The following ACSL3 variants were observed in gnomAD, a reference collection of about 807,000 sequenced individuals.
ACSL3 encodes acyl-CoA synthetase long chain family member 3.
A neutral mutation model predicts 84.7 loss-of-function variants in ACSL3; 34 were observed. The observed-to-expected ratio is 0.40, with a 90% CI of 0.31 to 0.53. The LOEUF (loss-of-function observed/expected upper bound fraction) is 0.53. Among genes scored for constraint, ACSL3 ranks in the 20% least tolerant of loss-of-function variants. The pLI is 0.48. For missense variants in ACSL3, 680 were observed against 873.1 expected, an observed-to-expected ratio of 0.78 and a Z score of 2.79; for synonymous variants, 315 against 299.4, an observed-to-expected ratio of 1.05 and a Z score of -0.54.
At chr2:222,931,194 T>G (rs1185169820) in intron 14 of ACSL3, among the ~76,000 whole-genome samples, 1 of 152,134 alleles carries the variant, frequency 6.6e-6, no homozygotes, top group Non-Finnish European at 1.5e-5. Flanking sequence ...TCATATGGGT[T>G]GAAAAATACC....
intron 3 of ACSL3, among the ~76,000 whole-genome samples, chr2:222,904,128 G>A (rs1323175086): frequency 1.3e-5 from 2 of 152,064 alleles, no homozygotes; most frequent in Non-Finnish European, 2.9e-5. Context: ...AAAATTAGCC[G>A]GGCGTGATGG....
intron 1 of ACSL3, among the ~76,000 whole-genome samples, chr2:222,877,540 T>C (rs556290356): frequency 6.6e-6 from 1 of 152,240 alleles, no homozygotes; most frequent in East Asian, 1.9e-4. Flanking sequence ...CTAACCTCAG[T>C]GACGGCTACA....
chr2:222,894,372 T>G (rs1450023418), intron 2 of ACSL3, among the ~76,000 whole-genome samples: 1 of 152,232 alleles, frequency 6.6e-6, no homozygotes, highest in Non-Finnish European at 1.5e-5. Context: ...AATTAAAATA[T>G]AAGATGTAAA....
At chr2:222,924,372 G>T in intron 10 of ACSL3, 84 bp from the exon 11 acceptor site, 1 of 1,233,306 alleles carries the variant, frequency 8.1e-7, no homozygotes. Context: ...CCTTAATATT[G>T]CTAGAAATGT....
At chr2:222,929,941 T>C (rs1362598814) in intron 13 of ACSL3, among the ~76,000 whole-genome samples, 3 of 149,234 alleles carry the variant, frequency 2.0e-5, no homozygotes, top group Non-Finnish European at 4.5e-5. Flanking sequence ...TTTTTTTTTT[T>C]TTTGACACGG....
chr2:222,913,860 G>A (rs775342143), intron 4 of ACSL3, among the ~76,000 whole-genome samples: 17 of 152,244 alleles, frequency 1.1e-4, no homozygotes, highest in Middle Eastern at 3.4e-3. Flanking sequence ...GATAATAATA[G>A]TAACAGTTTT....
At chr2:222,904,558 T>C (rs1696243537) in intron 3 of ACSL3, 1 of 152,612 alleles carries the variant, frequency 6.6e-6, no homozygotes, top group South Asian at 2.1e-4. Flanking sequence ...GTTAAGGCTC[T>C]TGCTACAAAG....
rs1226777401 is a variant in ACSL3, at chr2:222,944,367, T to C, written c.*2713T>C. The C allele has an allele frequency of 1.3e-5, 2 of 152,140 alleles. No homozygotes were observed. Among genetic ancestry groups the C allele is most frequent in the African/African-American group, 4.8e-5 (2 of 41,432 alleles). 9.4% of individuals were successfully genotyped at this position (152,140 alleles called of 1,614,324 possible). A position where few individuals can be genotyped will look rare whatever the true frequency, so the allele number is the denominator to read the frequency against. ...ATCTCTGATGTGTGGGCTCTTTTTTTCCCATAAGAATTATGTACATCTGTG... is the reference window on the plus strand; with the variant it reads ...ATCTCTGATGTGTGGGCTCTTTTTTCCCCATAAGAATTATGTACATCTGTG... On this transcript the variant is annotated 3_prime_UTR_variant, in exon 17 of 17. Coordinates refer to ENST00000357430, the MANE Select transcript of ACSL3 (RefSeq NM_004457.5).
intron 2 of ACSL3, among the ~76,000 whole-genome samples, chr2:222,888,678 G>A (rs1479114559): frequency 6.6e-6 from 1 of 152,174 alleles, no homozygotes; most frequent in Non-Finnish European, 1.5e-5. Context: ...TGTAAGCAAT[G>A]TAGGAGCATC....
intron 1 of ACSL3, among the ~76,000 whole-genome samples, chr2:222,865,727 G>C (rs1695118302): frequency 1.3e-5 from 2 of 152,058 alleles, no homozygotes; most frequent in African/African-American, 2.4e-5. Context: ...TTTCCAAGAT[G>C]AACTGGAGTT....
At chr2:222,861,395 G>A (rs983059186) in intron 1 of ACSL3, 137 bp downstream of exon 1, 5 of 151,720 alleles carry the variant, frequency 3.3e-5, no homozygotes, top group African/African-American at 4.8e-5. Flanking sequence ...TGACCGCTGG[G>A]TGTGCGCGCG....
At chr2:222,929,773 C>T (rs1041272679) in intron 13 of ACSL3, among the ~76,000 whole-genome samples, 5 of 151,058 alleles carry the variant, frequency 3.3e-5, no homozygotes, top group Admixed American at 2.0e-4. Context: ...GCGAAACTCT[C>T]ATCTCCAAAA....
intron 16 of ACSL3, among the ~76,000 whole-genome samples, chr2:222,938,206 A>G (rs566719141): frequency 1.1e-4 from 17 of 152,106 alleles, no homozygotes; most frequent in Non-Finnish European, 2.4e-4. Context: ...ACCTATATCA[A>G]ATTACTTTCA....
Position 222,942,607 on chromosome 2 carries a change from A to G in ACSL3, c.*953A>G, listed in dbSNP as rs1422641158. 1 of 198,644 alleles carries G rather than the reference A, an allele frequency of 5.0e-6. No homozygotes were observed. Among genetic ancestry groups the G allele is most frequent in the East Asian group, 8.1e-5 (1 of 12,384 alleles). 12.3% of individuals were successfully genotyped at this position (198,644 alleles called of 1,614,324 possible). A position where few individuals can be genotyped will look rare whatever the true frequency, so the allele number is the denominator to read the frequency against. On this transcript the variant is annotated 3_prime_UTR_variant, in exon 17 of 17. Transcript: ENST00000357430. ...TAGTCATGGAAAATTATTCTATCTCAAAGTCTCCTTTTAGTCTAGATAATC... is the reference window on the plus strand; with the variant it reads ...TAGTCATGGAAAATTATTCTATCTCGAAGTCTCCTTTTAGTCTAGATAATC...
chr2:222,929,923 CTTTTTTTTTT>C (rs56685446), intron 13 of ACSL3, among the ~76,000 whole-genome samples: 1 of 77,368 alleles, frequency 1.3e-5, no homozygotes, highest in Admixed American at 1.6e-4. Context: ...TAGTAACTCA[CTTTTTTTTTT>C]TTTTTTTTTT....
intron 16 of ACSL3, among the ~76,000 whole-genome samples, chr2:222,935,763 T>C (rs1377680418): frequency 6.6e-6 from 1 of 152,226 alleles, no homozygotes; most frequent in Non-Finnish European, 1.5e-5. Context: ...CATATTTCTT[T>C]CTTTTATTGT....
At position 222,919,156 on chromosome 2, in the gene ACSL3, G is replaced by A; in HGVS notation, c.759G>A (p.Val253=). 1 of 1,614,142 alleles carries A rather than the reference G, an allele frequency of 6.2e-7. No individual in the cohort carries two copies. Among genetic ancestry groups the A allele is most frequent in the African/African-American group, 1.3e-5 (1 of 75,054 alleles). ...TWSEFPKGII[V]HTMAAVEALG... ...CCGAGTTCCCCAAGGGCATCATTGT[G>A]CATACCATGGCTGCAGTGGAGGCCC... Residue 253 remains valine (V), a synonymous_variant, in exon 7 of 17, where the codon GTG becomes GTA. Transcript: ENST00000357430.
intron 10 of ACSL3, 81 bp from the exon 11 acceptor site, chr2:222,924,375 A>C: frequency 8.0e-7 from 1 of 1,257,162 alleles, no homozygotes; most frequent in Non-Finnish European, 1.1e-6. Flanking sequence ...TAATATTGCT[A>C]GAAATGTTAA....
At chr2:222,913,563 G>A (rs181310164) in intron 4 of ACSL3, among the ~76,000 whole-genome samples, 22 of 151,950 alleles carry the variant, frequency 1.4e-4, no homozygotes, top group Admixed American at 7.9e-4. Context: ...GCCTCCCCCC[G>A]CCTTTTTTTT....
Sources: allele counts gnomAD v4.1 joint callset (sites outside exome capture counted in the v4.1 genomes callset), GRCh38; gene constraint gnomAD v4.1.1; transcripts MANE v1.5; gene names NCBI Gene and HGNC (gene_info 2026-07-23, HGNC 2026-07-21).